The following ZNF700 variants were observed in gnomAD, a reference collection of about 807,000 sequenced individuals.
ZNF700 encodes the protein zinc finger protein 700.
ZNF700 carries 38 observed loss-of-function variants against 65.3 expected under a neutral mutation model. The observed-to-expected ratio is 0.58, with a 90% CI of 0.45 to 0.76. The LOEUF is 0.76. Among genes scored for constraint, ZNF700 ranks in the 30% least tolerant of loss-of-function variants. The probability of loss-of-function intolerance (pLI) is 0.00; values close to 1 mark genes in which losing one functional copy is unlikely to be tolerated. For missense variants in ZNF700, 857 were observed against 888.4 expected (o/e 0.96, Z 0.45); for synonymous variants, 285 against 290.4 (o/e 0.98, Z 0.19).
At chr19:11,941,368 C>G in intron 1 of ZNF700, among the ~76,000 whole-genome samples, 1 of 152,262 alleles carries the variant, frequency 6.6e-6, no homozygotes, top group East Asian at 1.9e-4. Context: ...CGGGGAGGCT[C>G]GGGCCGCACA....
chr19:11,945,356 G>A (rs1335305913), intron 1 of ZNF700, among the ~76,000 whole-genome samples: 1 of 152,214 alleles, frequency 6.6e-6, no homozygotes, highest in Non-Finnish European at 1.5e-5. Flanking sequence ...GGCTGCAGAT[G>A]ACCTGCTTTC....
At chr19:11,929,912 G>A (rs1196066406) in intron 1 of ZNF700, among the ~76,000 whole-genome samples, 1 of 148,352 alleles carries the variant, frequency 6.7e-6, no homozygotes, top group African/African-American at 2.6e-5. Flanking sequence ...TTATCAGGAT[G>A]TCTTTGGGAT....
At chr19:11,937,490 CTTT>C (rs1053539594) in intron 1 of ZNF700, among the ~76,000 whole-genome samples, 1 of 129,012 alleles carries the variant, frequency 7.8e-6, no homozygotes, top group Non-Finnish European at 1.6e-5. Context: ...TTTTTCTTTC[CTTT>C]TTTTTTTTTT....
intron 1 of ZNF700, among the ~76,000 whole-genome samples, chr19:11,939,224 A>T (rs1400607735): frequency 1.3e-5 from 2 of 152,050 alleles, no homozygotes; most frequent in African/African-American, 2.4e-5. Flanking sequence ...GAAGCTCTTT[A>T]GTTTAATTAG....
intron 1 of ZNF700, among the ~76,000 whole-genome samples, chr19:11,935,290 G>A (rs1329883833): frequency 1.5e-5 from 2 of 134,252 alleles, no homozygotes; most frequent in East Asian, 4.6e-4. Flanking sequence ...AGTCTGGAGT[G>A]CAGTGGTGTA....
At position 11,948,673 on chromosome 19, in the gene ZNF700, A is replaced by G. The variant is rs780966544; in HGVS notation, c.649A>G (p.Ser217Gly). Residue 217 changes from serine (S) to glycine (G), a missense_variant, in exon 4 of 4, where the codon AGT (serine) becomes GGT (glycine). By Grantham distance (56) the Ser-to-Gly change is moderately conservative. Around this residue, in one of 3 missense-constraint regions of ZNF700, gnomAD observed 603 missense variants for 619.9 expected, o/e 0.97. Coordinates refer to ENST00000254321, the MANE Select transcript of ZNF700 (RefSeq NM_144566.3). Reference sequence around the variant, plus strand: ...CATTCGAAGACACATGGTAATGCACAGTGGGGATGGAACTTATAAATGTAA... The same window carrying G: ...CATTCGAAGACACATGGTAATGCACGGTGGGGATGGAACTTATAAATGTAA... ...SSIRRHMVMH[S>G]GDGTYKCKFC... is the part of the protein sequence containing the mutation. The G allele has an allele frequency of 2.5e-6, 4 of 1,612,558 alleles. No individual in the cohort carries two copies. The highest frequency in any genetic ancestry group is 2.2e-5 in the East Asian group (1 of 44,866).
intron 1 of ZNF700, 76 bp downstream of exon 1, chr19:11,925,349 C>T: frequency 1.9e-6 from 3 of 1,585,352 alleles, no homozygotes; most frequent in Non-Finnish European, 2.6e-6. Flanking sequence ...TGTGGCGGGA[C>T]CCGGGCCTCC....
Position 11,949,470 on chromosome 19 carries a change from C to T in ZNF700, c.1446C>T (p.Ala482=). ...KPYECKECGK[A]FRYVKHLQIH... ...ATGAATGTAAGGAATGTGGGAAAGC[C>T]TTCAGATATGTGAAGCACCTTCAAA... The change falls in exon 4 of 4, where the codon GCC becomes GCT. Residue 482 remains alanine, a synonymous_variant. Coordinates refer to ENST00000254321, the MANE Select transcript of ZNF700 (RefSeq NM_144566.3). 2 of 1,612,468 alleles carry T rather than the reference C, an allele frequency of 1.2e-6. No individual in the cohort carries two copies. The highest frequency in any genetic ancestry group is 1.7e-6 in the Non-Finnish European group (2 of 1,179,652).
At chr19:11,929,263 A>G (rs1001063807) in intron 1 of ZNF700, among the ~76,000 whole-genome samples, 1 of 148,462 alleles carries the variant, frequency 6.7e-6, no homozygotes, top group African/African-American at 2.6e-5. Context: ...TCCTGGGTTC[A>G]AGTAATTCTC....
chr19:11,937,867 T>A (rs998222945), intron 1 of ZNF700, among the ~76,000 whole-genome samples: 3 of 152,164 alleles, frequency 2.0e-5, no homozygotes, highest in Admixed American at 2.0e-4. Flanking sequence ...GTGTTTTTAA[T>A]CATGAGGAGA....
At chr19:11,933,670 A>C (rs1430685733) in intron 1 of ZNF700, among the ~76,000 whole-genome samples, 1 of 147,914 alleles carries the variant, frequency 6.8e-6, no homozygotes, top group Non-Finnish European at 1.5e-5. Context: ...AAAAATATGC[A>C]TTGAAGGTCT....
Position 11,925,146 on chromosome 19 carries a change from G to A in ZNF700, c.-65G>A. 6.3e-7 allele frequency: 1 copy of A among 1,594,932 alleles called. No individual in the cohort carries two copies. Among genetic ancestry groups the A allele is most frequent in the Admixed American group, 1.7e-5 (1 of 58,856 alleles). On this transcript the variant is annotated 5_prime_UTR_variant, in exon 1 of 4. Coordinates refer to ENST00000254321, the MANE Select transcript of ZNF700 (RefSeq NM_144566.3). ...CTGCGCGGGCGGCGGTTGGTAACCG[G>A]TCAGACCAGCCCGAGAGGGACCTGG...
At position 11,948,647 on chromosome 19, in the gene ZNF700, G is replaced by A. The variant is rs372018243; in HGVS notation, c.623G>A (p.Ser208Asn). The A allele has an allele frequency of 6.7e-5, 108 of 1,611,094 alleles. No homozygotes were observed. The highest frequency in any genetic ancestry group is 8.8e-5 in the Non-Finnish European group (104 of 1,179,430). The stretch of plus-strand genomic sequence containing the variant: ...GGAAAAACCTTTATTTTCCATTCAA[G>A]CATTCGAAGACACATGGTAATGCAC... ...VCGKTFIFHS[S>N]IRRHMVMHSG... Residue 208 changes from serine to asparagine, a missense_variant, in exon 4 of 4, where the codon AGC becomes AAC. Ser to Asn is a conservative substitution (Grantham distance 46). Transcript: ENST00000254321.
chr19:11,943,957 G>C (rs1972922155), intron 1 of ZNF700, among the ~76,000 whole-genome samples: 2 of 152,102 alleles, frequency 1.3e-5, no homozygotes, highest in Middle Eastern at 6.8e-3. Flanking sequence ...TGCCTCCCAG[G>C]AGCTGCAGGT....
chr19:11,950,596 AC>A lies in ZNF700; in HGVS notation c.*344del, dbSNP rs1384403949. 1.0e-5 allele frequency: 5 copies of A among 484,854 alleles called. No homozygotes were observed. The highest frequency in any genetic ancestry group is 9.9e-5 in the African/African-American group (5 of 50,600). The allele number at this position is 484,854 out of a possible 1,614,324, so 30.0% of individuals were successfully genotyped here. On this transcript the variant is annotated 3_prime_UTR_variant, in exon 4 of 4. Transcript: ENST00000254321. ...CACCTTCAACGGCATGGAAGGGTTC[AC>A]ACTTGGGAGAAACTCTATGAATGTA...
rs374780305 is a variant in ZNF700 at position 11,932,699 on chromosome 19, G to A, written c.63+7426G>A. Among the ~76,000 whole-genome samples the A allele has an allele frequency of 9.7e-4, 139 of 142,674 alleles. 1 individual carries two copies. The East Asian group carries it at 0.024, about 25-fold the overall frequency. The allele number at this position is 142,674 out of a possible 152,430, so 93.6% of individuals were successfully genotyped here. A position where few individuals can be genotyped will look rare whatever the true frequency, so the allele number is the denominator to read the frequency against. ...GTCGCCCAGGCTGGAGTGCAGTGGC[G>A]TGATCTCGGCTCACTGCAAGCTCCG... On this transcript the variant is annotated intron_variant, in intron 1 of 3. Coordinates refer to ENST00000254321, the MANE Select transcript of ZNF700 (RefSeq NM_144566.3).
chr19:11,949,878 A>G lies in ZNF700; in HGVS notation c.1854A>G (p.Lys618=), dbSNP rs758868045. Residue 618 remains lysine (K), a synonymous_variant, in exon 4 of 4, where the codon AAA becomes AAG. Coordinates refer to ENST00000254321, the MANE Select transcript of ZNF700 (RefSeq NM_144566.3). ...RKHGRTHTGE[K]PYECKQCGKA... is the part of the protein sequence containing the mutation. ...ATGGTAGGACTCACACTGGAGAGAA[A>G]CCCTATGAGTGTAAGCAATGTGGGA... is the stretch of plus-strand genomic sequence containing the variant. 6.2e-7 allele frequency: 1 copy of G among 1,613,920 alleles called. No homozygotes were observed. The highest frequency in any genetic ancestry group is 1.1e-5 in the South Asian group (1 of 91,064).
chr19:11,928,731 CA>C (rs779525520), intron 1 of ZNF700, among the ~76,000 whole-genome samples: 132 of 53,436 alleles, frequency 2.5e-3, no homozygotes, highest in East Asian at 0.019. Flanking sequence ...GACTCCGTCT[CA>C]AAAAAAAAAA....
At chr19:11,941,002 A>G (rs1171980596) in intron 1 of ZNF700, among the ~76,000 whole-genome samples, 7 of 150,684 alleles carry the variant, frequency 4.6e-5, no homozygotes, top group Admixed American at 4.0e-4. Flanking sequence ...CGATTGGTGT[A>G]TTTACAATCC....
Sources: allele counts gnomAD v4.1 joint callset (sites outside exome capture counted in the v4.1 genomes callset), GRCh38; gene constraint gnomAD v4.1.1; regional missense constraint gnomAD v4.1.1; transcripts MANE v1.5; gene names NCBI Gene and HGNC (gene_info 2026-07-23, HGNC 2026-07-21).